PDE5A: variants seen among roughly 807,000 people sequenced by gnomAD.
The protein encoded by PDE5A is phosphodiesterase 5A.
In PDE5A, 67 loss-of-function variants were observed where a neutral mutation model predicts 110.2. The observed-to-expected ratio is 0.61, with a 90% CI of 0.50 to 0.75. The LOEUF is 0.75. Among genes scored for constraint, PDE5A ranks in the 30% least tolerant of loss-of-function variants. The pLI, the probability that PDE5A is intolerant of heterozygous loss-of-function variation, is 0.00. For missense variants in PDE5A, 862 were observed against 1,045.1 expected (o/e 0.82, Z 2.42); for synonymous variants, 328 against 351.2 (o/e 0.93, Z 0.74).
At chr4:119,507,872 C>T (rs1056919450) in intron 15 of PDE5A, among the ~76,000 whole-genome samples, 168 bp from the exon 16 acceptor site, 1 of 151,860 alleles carries the variant, frequency 6.6e-6, no homozygotes, top group Non-Finnish European at 1.5e-5. Context: ...TCCCACCCAA[C>T]CCCTCTGTCA....
chr4:119,557,008 C>G (rs1345235041), intron 7 of PDE5A, among the ~76,000 whole-genome samples: 1 of 134,502 alleles, frequency 7.4e-6, no homozygotes, highest in Non-Finnish European at 1.6e-5. Context: ...CCTCAGAGCT[C>G]CAATTGTAGA....
At chr4:119,593,954 A>C (rs1729067028) in intron 3 of PDE5A, among the ~76,000 whole-genome samples, 1 of 152,186 alleles carries the variant, frequency 6.6e-6, no homozygotes, top group African/African-American at 2.4e-5. Context: ...ATCAGATCTC[A>C]TGAGACTCAC....
intron 5 of PDE5A, 68 bp from the exon 6 acceptor site, chr4:119,563,038 A>G: frequency 1.5e-6 from 2 of 1,342,224 alleles, no homozygotes; most frequent in Non-Finnish European, 2.0e-6. Flanking sequence ...AATTATTTAT[A>G]TGGGTTATAA....
chr4:119,566,277 A>G (rs961633616), intron 4 of PDE5A, among the ~76,000 whole-genome samples: 2 of 152,180 alleles, frequency 1.3e-5, no homozygotes, highest in Non-Finnish European at 2.9e-5. Flanking sequence ...CCTATAGCAT[A>G]GAGATAAAAA....
rs749708091 is a variant in PDE5A, at chr4:119,505,943, T to TA, written c.2190-12dup. ...AATTCTCCTCGCCTCCTACAATGTT[T>TA]AAAAAAAAATTGTTAGTTATAATGA... On this transcript the variant is annotated splice_polypyrimidine_tract_variant and intron_variant, in intron 16 of 20. Coordinates refer to ENST00000354960, the MANE Select transcript of PDE5A (RefSeq NM_001083.4). 3,354 of 1,478,840 alleles carry TA rather than the reference T, an allele frequency of 2.3e-3. 3 individuals are homozygous for TA. Among genetic ancestry groups the TA allele is most frequent in the Non-Finnish European group, 2.9e-3 (3,110 of 1,087,602 alleles). The allele number at this position is 1,478,840 out of a possible 1,614,324, so 91.6% of individuals were successfully genotyped here.
chr4:119,521,098 C>A, intron 12 of PDE5A, 38 bp from the exon 13 acceptor site: 1 of 1,592,352 alleles, frequency 6.3e-7, no homozygotes, highest in South Asian at 1.1e-5. Flanking sequence ...CAATAATTGC[C>A]AACATCTTCA....
chr4:119,608,904 G>A (rs1163861039), intron 1 of PDE5A, among the ~76,000 whole-genome samples: 1 of 152,168 alleles, frequency 6.6e-6, no homozygotes, highest in Non-Finnish European at 1.5e-5. Context: ...GCTCACGCCT[G>A]TAATCCCAGC....
intron 9 of PDE5A, chr4:119,550,312 A>G (rs1192104330): frequency 6.6e-6 from 1 of 152,238 alleles, no homozygotes; most frequent in East Asian, 1.9e-4. Context: ...GTAGGGTGAT[A>G]CAAAATGTAT....
At chr4:119,618,468 A>C (rs1054762375) in intron 1 of PDE5A, among the ~76,000 whole-genome samples, 1 of 152,114 alleles carries the variant, frequency 6.6e-6, no homozygotes, top group Non-Finnish European at 1.5e-5. Flanking sequence ...TATTTTTTCA[A>C]ATTACAATTT....
intron 1 of PDE5A, among the ~76,000 whole-genome samples, chr4:119,622,296 G>A (rs1193928901): frequency 2.0e-5 from 3 of 151,904 alleles, no homozygotes; most frequent in Non-Finnish European, 4.4e-5. Context: ...TTCTCTCTTT[G>A]TATATTTTCA....
chr4:119,624,504 G>A (rs1159455245), intron 1 of PDE5A, among the ~76,000 whole-genome samples: 3 of 152,140 alleles, frequency 2.0e-5, no homozygotes, highest in Non-Finnish European at 4.4e-5. Context: ...ATCATAGAAA[G>A]CTATATGGGA....
At chr4:119,500,298 A>G (rs1379367019) in intron 20 of PDE5A, 1 of 139,032 alleles carries the variant, frequency 7.2e-6, no homozygotes, top group Non-Finnish European at 1.5e-5. Context: ...TTCTTTTGGT[A>G]TCTCTCCTTC....
chr4:119,603,073 G>A (rs1372559118), intron 2 of PDE5A, among the ~76,000 whole-genome samples: 1 of 152,202 alleles, frequency 6.6e-6, no homozygotes, highest in Non-Finnish European at 1.5e-5. Context: ...GGGCAATCCT[G>A]TGTAGTTATT....
intron 3 of PDE5A, among the ~76,000 whole-genome samples, chr4:119,573,786 A>C (rs951910323): frequency 6.6e-6 from 1 of 152,190 alleles, no homozygotes; most frequent in Non-Finnish European, 1.5e-5. Flanking sequence ...GAAGCTTCTA[A>C]GGAATTGCAA....
chr4:119,555,579 A>G (rs1429955315), intron 7 of PDE5A, among the ~76,000 whole-genome samples: 1 of 152,182 alleles, frequency 6.6e-6, no homozygotes, highest in African/African-American at 2.4e-5. Flanking sequence ...TGGAGAAGTA[A>G]GTATCCTTGT....
intron 7 of PDE5A, among the ~76,000 whole-genome samples, chr4:119,559,691 T>C (rs1018115642): frequency 1.3e-5 from 2 of 152,114 alleles, no homozygotes; most frequent in Non-Finnish European, 2.9e-5. Flanking sequence ...ACTAAAACAA[T>C]GTCAAATCTG....
At chr4:119,563,420 A>G (rs1332074581) in intron 5 of PDE5A, among the ~76,000 whole-genome samples, 1 of 152,194 alleles carries the variant, frequency 6.6e-6, no homozygotes, top group Non-Finnish European at 1.5e-5. Context: ...CACAGTAAAT[A>G]TTACCCGTCA....
chr4:119,521,136 A>G, intron 12 of PDE5A, 76 bp from the exon 13 acceptor site: 1 of 1,405,750 alleles, frequency 7.1e-7, no homozygotes, highest in Non-Finnish European at 9.8e-7. Flanking sequence ...AGACACTACA[A>G]AGCATTCACA....
chr4:119,544,541 T>C (rs1727067177), intron 9 of PDE5A, among the ~76,000 whole-genome samples: 2 of 152,246 alleles, frequency 1.3e-5, no homozygotes, highest in South Asian at 4.1e-4. Context: ...TACAGGCTTC[T>C]GTCTCCTAAA....
Sources: allele counts gnomAD v4.1 joint callset (sites outside exome capture counted in the v4.1 genomes callset), GRCh38; gene constraint gnomAD v4.1.1; transcripts MANE v1.5; gene names NCBI Gene and HGNC (gene_info 2026-07-23, HGNC 2026-07-21).